Variants in ANKRD30A observed in about 807,000 individuals in gnomAD.
ANKRD30A encodes ankyrin repeat domain-containing protein 30A.
A neutral mutation model predicts 166.3 loss-of-function variants in ANKRD30A; 170 were observed. That is an observed-to-expected ratio of 1.02 (90% confidence interval 0.90 to 1.16). The LOEUF (loss-of-function observed/expected upper bound fraction) is 1.16. ANKRD30A is among the 50% of genes most tolerant of loss of function. The pLI is 0.00. For missense variants in ANKRD30A, 1,630 were observed against 1,518.0 expected (o/e 1.07, Z -1.23); for synonymous variants, 564 against 508.9 (o/e 1.11, Z -1.46).
At chr10:37,144,851 A>T in intron 7 of ANKRD30A, 144 bp from the exon 8 acceptor site, 2 of 508,336 alleles carry the variant, frequency 3.9e-6, no homozygotes, top group Non-Finnish European at 6.8e-6. Context: ...TGACTATAGA[A>T]GTGGTTGTGG....
rs200114350 is a variant in ANKRD30A at position 37,197,460 on chromosome 10, A to G, written c.2696A>G (p.Asn899Ser). 59 of 1,612,352 alleles carry G rather than the reference A, an allele frequency of 3.7e-5. No homozygotes were observed. Among genetic ancestry groups the G allele is most frequent in the Non-Finnish European group, 4.8e-5 (57 of 1,179,692 alleles). The change falls in exon 29 of 36, where the codon AAT (asparagine) becomes AGT (serine). Residue 899 changes from asparagine (N) to serine (S), a missense_variant. Physicochemically the swap from Asn to Ser is conservative, Grantham distance 46. Coordinates refer to ENST00000361713, the MANE Select transcript of ANKRD30A (RefSeq NM_052997.3). The part of the protein sequence containing the change: ...SVPNKALELK[N>S]EQTLRADQMF... The stretch of plus-strand genomic sequence containing the variant: ...CCAAATAAAGCCTTGGAATTGAAGA[A>G]TGAACAAACATTGAGAGCAGGTACA...
intron 2 of ANKRD30A, 73 bp from the exon 3 acceptor site, chr10:37,130,132 A>G (rs1386968576): frequency 6.9e-6 from 8 of 1,153,576 alleles, no homozygotes; most frequent in Non-Finnish European, 9.0e-6. Flanking sequence ...TTGATTTCCT[A>G]TAATTTATAA....
At chr10:37,165,613 C>A (rs543306014) in intron 18 of ANKRD30A, among the ~76,000 whole-genome samples, 63 of 151,948 alleles carry the variant, frequency 4.1e-4, no homozygotes, top group Middle Eastern at 6.8e-3. Flanking sequence ...ATTGACATAT[C>A]TTTATTGTTC....
At chr10:37,157,008 A>T (rs1838432551) in intron 13 of ANKRD30A, among the ~76,000 whole-genome samples, 1 of 152,214 alleles carries the variant, frequency 6.6e-6, no homozygotes, top group South Asian at 2.1e-4. Flanking sequence ...CTCAAGGGAA[A>T]CAACATATAT....
At chr10:37,178,321 C>T (rs1055972057) in intron 24 of ANKRD30A, among the ~76,000 whole-genome samples, 23 of 151,268 alleles carry the variant, frequency 1.5e-4, no homozygotes, top group Admixed American at 1.5e-3. Context: ...ATAAGCATAT[C>T]TGCACGGCCA....
rs752165656 is a variant in ANKRD30A at position 37,201,326 on chromosome 10, G to C, written c.2869+1G>C. ...GATAAAATAAGTGGAAAATTAGAAG[G>C]TAAGAACCATCTTTTATTTAAAAGG... On this transcript the variant is annotated splice_donor_variant, in intron 31 of 35. Coordinates refer to ENST00000361713, the MANE Select transcript of ANKRD30A (RefSeq NM_052997.3). LOFTEE classifies it high-confidence loss of function. The C allele has an allele frequency of 1.3e-5, 20 of 1,569,008 alleles. No homozygotes were observed. The South Asian group carries it at 2.3e-4, about 18-fold the overall frequency.
chr10:37,152,032 G>T (rs1452962341), intron 11 of ANKRD30A, 28 bp from the exon 12 acceptor site: 1 of 1,567,006 alleles, frequency 6.4e-7, no homozygotes, highest in Non-Finnish European at 8.7e-7. Flanking sequence ...ATGTTGTCAT[G>T]AATGTTTCTG....
chr10:37,157,240 T>C (rs1443102149), intron 13 of ANKRD30A, among the ~76,000 whole-genome samples: 3 of 152,246 alleles, frequency 2.0e-5, no homozygotes, highest in African/African-American at 7.2e-5. Flanking sequence ...GAATTAGTTT[T>C]AGAAACAAAA....
rs754399162 is a variant in ANKRD30A, at chr10:37,141,979, T to C, written c.1082T>C (p.Ile361Thr). ...EQSAEETPRE[I>T]TSPAKETSEK... ...TCAGCAGAAGAAACACCTAGGGAAA[T>C]TACGAGTCCTGCAAAAGAAACATCT... Residue 361 changes from isoleucine (I) to threonine (T), a missense_variant, in exon 7 of 36, where the codon ATT (isoleucine) becomes ACT (threonine). Physicochemically the swap from Ile to Thr is moderately conservative, Grantham distance 89. Around this residue, in one of 4 missense-constraint regions of ANKRD30A, gnomAD observed 904 missense variants for 818.5 expected, o/e 1.10. Transcript: ENST00000361713. 1.9e-6 allele frequency: 3 copies of C among 1,614,018 alleles called. No homozygotes were observed. The South Asian group carries it at 3.3e-5, about 18-fold the overall frequency.
intron 13 of ANKRD30A, among the ~76,000 whole-genome samples, chr10:37,155,924 A>T (rs1477959991): frequency 1.3e-5 from 2 of 151,982 alleles, no homozygotes; most frequent in African/African-American, 4.8e-5. Flanking sequence ...TACTAAAAAT[A>T]CAAAAAATTA....
In ANKRD30A at chr10:37,141,819, C is replaced by G. The variant is rs796295970; in HGVS notation, c.922C>G (p.Pro308Ala). The G allele has an allele frequency of 1.2e-6, 2 of 1,613,344 alleles. No individual in the cohort carries two copies. Among genetic ancestry groups the G allele is most frequent in the Admixed American group, 3.3e-5 (2 of 59,950 alleles). The change falls in exon 7 of 36, where the codon CCC (proline) becomes GCC (alanine). Residue 308 changes from proline (P) to alanine (A), a missense_variant. Physicochemically the swap from Pro to Ala is conservative, Grantham distance 27. Around this residue, in one of 4 missense-constraint regions of ANKRD30A, gnomAD observed 904 missense variants for 818.5 expected, o/e 1.10. Transcript: ENST00000361713. ...LVEKTPDEAA[P>A]LVERTPDTAE... ...GGAAAAAACACCTGATGAGGCTGCA[C>G]CCTTGGTGGAAAGAACACCTGACAC...
intron 1 of ANKRD30A, among the ~76,000 whole-genome samples, chr10:37,127,083 A>AAAAAAAAAAAAAAAAC (rs1836080012): frequency 1.4e-5 from 2 of 139,064 alleles, no homozygotes; most frequent in Non-Finnish European, 3.2e-5. Context: ...AAAAAAAAAA[A>AAAAAAAAAAAAAAAAC]AATCACAAAT....
intron 15 of ANKRD30A, among the ~76,000 whole-genome samples, chr10:37,159,191 G>T (rs1459449121): frequency 6.6e-6 from 1 of 152,114 alleles, no homozygotes; most frequent in Non-Finnish European, 1.5e-5. Context: ...GCCTGAATTA[G>T]TTTTTGCTGT....
chr10:37,125,883 C>T lies in ANKRD30A; in HGVS notation c.96C>T (p.Tyr32=). 3.2e-6 allele frequency: 5 copies of T among 1,548,864 alleles called. No individual in the cohort carries two copies. The highest frequency in any genetic ancestry group is 3.6e-6 in the Non-Finnish European group (4 of 1,124,468). ...TAGTCTATACCAGCAACGACTCCTA[C>T]ATCGTCCACTCTGGGGATCTTAGAA... The part of the protein sequence containing the change: ...SQLVYTSNDS[Y]IVHSGDLRKI... The change falls in exon 1 of 36, where the codon TAC becomes TAT. Residue 32 remains tyrosine, a synonymous_variant. Transcript: ENST00000361713.
chr10:37,166,818 A>C lies in ANKRD30A; in HGVS notation c.2155+123A>C, dbSNP rs1564518648. The C allele has an allele frequency of 2.1e-6, 3 of 1,407,236 alleles. No individual in the cohort carries two copies. In the East Asian group the frequency reaches 7.4e-5, roughly 35 times the overall value. The allele number at this position is 1,407,236 out of a possible 1,614,324, so 87.2% of individuals were successfully genotyped here. A position where few individuals can be genotyped will look rare whatever the true frequency, so the allele number is the denominator to read the frequency against. On this transcript the variant is annotated intron_variant, in intron 19 of 35. Transcript: ENST00000361713. The stretch of plus-strand genomic sequence containing the variant: ...AATGCAAACCATGGAAAAAAAGAGA[A>C]GTGCAATGGTCATAAGTTATGTGTC...
rs147320196 is a variant in ANKRD30A, at chr10:37,159,629, A to C, written c.1900+1043A>C. Among the ~76,000 whole-genome samples the C allele has an allele frequency of 5.0e-3, 757 of 152,244 alleles. 8 individuals are homozygous for C. Among genetic ancestry groups the C allele is most frequent in the African/African-American group, 0.017 (726 of 41,560 alleles). On this transcript the variant is annotated intron_variant, in intron 15 of 35. Transcript: ENST00000361713. ...TGTAGAATTTGTTTTCATGTCTTAT[A>C]GGCTATATGTAGAATTTGTTTTCAT...
intron 1 of ANKRD30A, 131 bp downstream of exon 1, chr10:37,126,139 G>C: frequency 1.1e-6 from 1 of 930,054 alleles, no homozygotes; most frequent in Non-Finnish European, 1.6e-6. Context: ...CAGCGGGGCA[G>C]CCATCCTGGG....
chr10:37,198,171 T>A (rs974998597), intron 29 of ANKRD30A, among the ~76,000 whole-genome samples: 6 of 152,250 alleles, frequency 3.9e-5, no homozygotes, highest in African/African-American at 7.2e-5. Context: ...AACTGTTTTT[T>A]AAAACTATTC....
intron 9 of ANKRD30A, 44 bp from the exon 10 acceptor site, chr10:37,149,607 T>C: frequency 6.3e-7 from 1 of 1,596,122 alleles, no homozygotes; most frequent in Non-Finnish European, 8.6e-7. Flanking sequence ...GTTGGCATTG[T>C]CATACTTACT....
Sources: allele counts gnomAD v4.1 joint callset (sites outside exome capture counted in the v4.1 genomes callset), GRCh38; gene constraint gnomAD v4.1.1; regional missense constraint gnomAD v4.1.1; transcripts MANE v1.5; gene names NCBI Gene and HGNC (gene_info 2026-07-23, HGNC 2026-07-21).